FRMPD4: variants seen among roughly 807,000 people sequenced by gnomAD.
FRMPD4 encodes the protein FERM and PDZ domain-containing protein 4.
Under a neutral mutation model 94.1 loss-of-function variants are expected in FRMPD4, and 22 were observed. The ratio of observed to expected loss-of-function variants is 0.23; its 90% CI spans 0.17 to 0.33. FRMPD4 has a LOEUF of 0.33. Ranked by LOEUF, FRMPD4 falls within the 10% of genes least tolerant of loss-of-function variation. The pLI, the probability that FRMPD4 is intolerant of heterozygous loss-of-function variation, is 1.00. For missense variants in FRMPD4, 1,111 were observed against 1,339.9 expected, an observed-to-expected ratio of 0.83 and a Z score of 2.67; for synonymous variants, 631 against 548.6, an observed-to-expected ratio of 1.15 and a Z score of -2.10.
chrX:12,384,713 CAA>C (rs35014654), intron 1 of FRMPD4, among the ~76,000 whole-genome samples: 28,281 of 110,019 alleles, frequency 0.26, 2,813 homozygotes, highest in East Asian at 0.38. Context: ...AAATTAGTTG[CAA>C]AGAGTATTAC....
intron 1 of FRMPD4, among the ~76,000 whole-genome samples, chrX:12,387,698 T>G (rs2056415361): frequency 9.1e-6 from 1 of 109,399 alleles, no homozygotes; most frequent in South Asian, 3.8e-4. Context: ...CTGCTGTTTT[T>G]TGTTTGTTTT....
Position 12,519,260 on chromosome X carries a change from C to T in FRMPD4, c.158+20464C>T, listed in dbSNP as rs932956558. 2.7e-5 allele frequency among the ~76,000 whole-genome samples: 3 copies of T among 111,858 alleles called. No individual in the cohort carries two copies. The Admixed American group carries it at 2.8e-4, about 11-fold the overall frequency. On this transcript the variant is annotated intron_variant, in intron 2 of 16. Transcript: ENST00000675598. Reference sequence around the variant, plus strand: ...TCAAATCAATTTTTTAAAAGAAAACCAAATTGGAGGATTCACATTTTCTGA... The same window carrying T: ...TCAAATCAATTTTTTAAAAGAAAACTAAATTGGAGGATTCACATTTTCTGA...
intron 3 of FRMPD4, among the ~76,000 whole-genome samples, chrX:11,923,619 T>G (rs1051970235): frequency 8.9e-6 from 1 of 111,900 alleles, no homozygotes; most frequent in Non-Finnish European, 1.9e-5. Flanking sequence ...TGGGGCCCAA[T>G]ACAAGTCTCC....
At chrX:12,471,751 A>G (rs913253919) in intron 1 of FRMPD4, among the ~76,000 whole-genome samples, 1 of 111,895 alleles carries the variant, frequency 8.9e-6, no homozygotes, top group African/African-American at 3.3e-5. Context: ...CATTCTGTCT[A>G]CTTTTCCATG....
chrX:12,677,480 A>T (rs1602305875), intron 5 of FRMPD4, among the ~76,000 whole-genome samples: 1 of 47,268 alleles, frequency 2.1e-5, no homozygotes, highest in African/African-American at 6.3e-5. Flanking sequence ...CTTTTTGTAA[A>T]AAAAAAAAAA....
chrX:11,977,565 C>T (rs1025815724), intron 3 of FRMPD4, among the ~76,000 whole-genome samples: 1 of 112,396 alleles, frequency 8.9e-6, no homozygotes, highest in East Asian at 2.8e-4. Flanking sequence ...GCCTGTGATA[C>T]AGCCCTTAGG....
At chrX:12,653,732 CT>C (rs1356993004) in intron 4 of FRMPD4, among the ~76,000 whole-genome samples, 5 of 80,792 alleles carry the variant, frequency 6.2e-5, no homozygotes, top group Non-Finnish European at 8.7e-5. Context: ...CTATGACTTA[CT>C]AAAAAAAAAA....
intron 4 of FRMPD4, among the ~76,000 whole-genome samples, chrX:12,654,518 A>G (rs2059632092): frequency 8.9e-6 from 1 of 112,166 alleles, no homozygotes; most frequent in Non-Finnish European, 1.9e-5. Flanking sequence ...TCATTCTCCT[A>G]TAAATGTACT....
chrX:11,944,541 C>A (rs2054178720), intron 3 of FRMPD4, among the ~76,000 whole-genome samples: 1 of 111,663 alleles, frequency 9.0e-6, no homozygotes, highest in Non-Finnish European at 1.9e-5. Flanking sequence ...AGATTATGGG[C>A]AGTGCAGTCA....
intron 1 of FRMPD4, among the ~76,000 whole-genome samples, chrX:12,158,594 C>G (rs902195798): frequency 1.5e-4 from 17 of 112,067 alleles, no homozygotes; most frequent in African/African-American, 5.5e-4. Context: ...TATCCTCTGT[C>G]TTTGAACATA....
chrX:12,616,485 T>G, intron 4 of FRMPD4, among the ~76,000 whole-genome samples: 1 of 112,134 alleles, frequency 8.9e-6, no homozygotes, highest in East Asian at 2.8e-4. Flanking sequence ...AATGGAGTCT[T>G]CCCAGATGGC....
intron 1 of FRMPD4, among the ~76,000 whole-genome samples, chrX:12,352,028 G>A (rs867172018): frequency 9.0e-6 from 1 of 111,698 alleles, no homozygotes; most frequent in Non-Finnish European, 1.9e-5. Context: ...GAGTGTCATT[G>A]TTGAGCCAAA....
intron 3 of FRMPD4, among the ~76,000 whole-genome samples, chrX:12,046,762 A>G (rs2147447516): frequency 8.9e-6 from 1 of 112,187 alleles, no homozygotes. Context: ...TCAAGTGTTC[A>G]GCTATCTGGA....
chrX:12,412,569 T>C (rs1316156803), intron 1 of FRMPD4, among the ~76,000 whole-genome samples: 2 of 112,492 alleles, frequency 1.8e-5, no homozygotes, highest in Admixed American at 9.4e-5. Context: ...GATAATCACT[T>C]CTGGATAAAA....
intron 3 of FRMPD4, among the ~76,000 whole-genome samples, chrX:11,986,123 A>G (rs2054428037): frequency 8.9e-6 from 1 of 112,531 alleles, no homozygotes; most frequent in Non-Finnish European, 1.9e-5. Flanking sequence ...GGCCTGATGC[A>G]GTACAGTCCC....
chrX:12,384,182 T>A (rs1332952186), intron 1 of FRMPD4, among the ~76,000 whole-genome samples: 1 of 111,765 alleles, frequency 8.9e-6, no homozygotes, highest in Non-Finnish European at 1.9e-5. Flanking sequence ...TATTGTAGAA[T>A]TTGACCTCGA....
intron 1 of FRMPD4, among the ~76,000 whole-genome samples, chrX:12,165,983 A>G (rs140008194): frequency 0.075 from 8,325 of 111,484 alleles, 898 homozygotes; most frequent in East Asian, 0.6. Flanking sequence ...ATATACAATC[A>G]TGTTATCTGC....
intron 1 of FRMPD4, among the ~76,000 whole-genome samples, chrX:11,842,005 A>T (rs1421635017): frequency 5.4e-5 from 6 of 110,942 alleles, no homozygotes; most frequent in African/African-American, 1.6e-4. Context: ...TAAATAGGGA[A>T]TCCTTTCCCC....
chrX:12,449,032 A>G (rs968194840), intron 1 of FRMPD4, among the ~76,000 whole-genome samples: 7 of 111,856 alleles, frequency 6.3e-5, no homozygotes, highest in African/African-American at 2.3e-4. Flanking sequence ...TCTCTATTTC[A>G]TACCTGGCTG....
Sources: gnomAD v4.1 joint callset for allele counts (sites outside exome capture counted in the v4.1 genomes callset) on GRCh38, gnomAD v4.1.1 for gene constraint, MANE v1.5 for transcripts, NCBI Gene and HGNC (gene_info 2026-07-23, HGNC 2026-07-21) for gene names.